Variants in DSE observed in about 807,000 individuals in gnomAD.
DSE encodes dermatan sulfate epimerase.
In DSE, 36 loss-of-function variants were observed where a neutral mutation model predicts 84.4. That is an observed-to-expected ratio of 0.43 (90% CI 0.33 to 0.56). The LOEUF is 0.56. Ranked by LOEUF, DSE falls within the 20% of genes least tolerant of loss-of-function variation. The probability of loss-of-function intolerance (pLI) is 0.06; values close to 1 mark genes in which losing one functional copy is unlikely to be tolerated. For synonymous variants in DSE, 410 were observed against 430.1 expected (o/e 0.95, Z 0.58); for missense variants, 862 against 1,169.6 (o/e 0.74, Z 3.84).
intron 1 of DSE, among the ~76,000 whole-genome samples, 174 bp from the exon 2 acceptor site, chr6:116,399,024 A>G (rs778901223): frequency 1.3e-5 from 2 of 152,222 alleles, no homozygotes; most frequent in Admixed American, 6.5e-5. Context: ...GTTTAACTCT[A>G]TAAAATCAGA....
chr6:116,343,354 G>C (rs911047044), intron 2 of DSE, among the ~76,000 whole-genome samples: 1 of 152,190 alleles, frequency 6.6e-6, no homozygotes, highest in African/African-American at 2.4e-5. Flanking sequence ...TCCTCAAGTG[G>C]GTCCCTGACC....
intron 2 of DSE, chr6:116,278,382 T>G: frequency 8.7e-6 from 10 of 1,143,722 alleles, no homozygotes; most frequent in African/African-American, 6.1e-5. Flanking sequence ...GAACTGAATA[T>G]CCAAAGGAAA....
intron 2 of DSE, among the ~76,000 whole-genome samples, chr6:116,280,764 G>C (rs1312001621): frequency 6.6e-6 from 1 of 152,158 alleles, no homozygotes; most frequent in Non-Finnish European, 1.5e-5. Flanking sequence ...GAGCTACAAG[G>C]CCTCAGAGAA....
chr6:116,331,540 T>A (rs1461584422), intron 2 of DSE, among the ~76,000 whole-genome samples: 1 of 152,188 alleles, frequency 6.6e-6, no homozygotes, highest in Non-Finnish European at 1.5e-5. Flanking sequence ...GGGATTACAA[T>A]TCGGATTACA....
chr6:116,342,872 G>A (rs1490060191), intron 2 of DSE, among the ~76,000 whole-genome samples: 2 of 152,070 alleles, frequency 1.3e-5, no homozygotes, highest in African/African-American at 4.8e-5. Flanking sequence ...AAGCGCAAGG[G>A]GTCAGGGAAT....
chr6:116,326,050 CAT>C (rs1228017660), intron 2 of DSE, among the ~76,000 whole-genome samples: 1 of 152,282 alleles, frequency 6.6e-6, no homozygotes, highest in East Asian at 1.9e-4. Flanking sequence ...CTATAGATAA[CAT>C]AACCGATTAG....
upstream of DSE, chr6:116,370,276 T>C (rs1002592453): frequency 2.7e-4 from 61 of 228,470 alleles, no homozygotes; most frequent in African/African-American, 1.3e-3. Context: ...GCTCCTGACC[T>C]TCTGTGATTA....
chr6:116,373,376 AC>A (rs1779727955), intron 1 of DSE, among the ~76,000 whole-genome samples: 2 of 152,156 alleles, frequency 1.3e-5, no homozygotes, highest in South Asian at 4.1e-4. Flanking sequence ...AGAAACTTTG[AC>A]CAAGAGATAC....
chr6:116,322,738 A>T (rs932282001), intron 2 of DSE, among the ~76,000 whole-genome samples: 5 of 152,206 alleles, frequency 3.3e-5, no homozygotes, highest in African/African-American at 9.7e-5. Flanking sequence ...TGAAGCTGAG[A>T]TTTCAATTTG....
chr6:116,279,885 A>T, intron 2 of DSE: 1 of 1,611,934 alleles, frequency 6.2e-7, no homozygotes, highest in African/African-American at 1.3e-5. Flanking sequence ...CAGAGGCCGA[A>T]CTGGGAGCTA....
intron 1 of DSE, among the ~76,000 whole-genome samples, chr6:116,257,758 T>G (rs543318285): frequency 8.5e-4 from 129 of 152,274 alleles, no homozygotes; most frequent in African/African-American, 2.9e-3. Context: ...ACTAATCTCA[T>G]TAGGGCTCTA....
intron 2 of DSE, among the ~76,000 whole-genome samples, chr6:116,404,786 T>A (rs532072883): frequency 1.4e-4 from 21 of 152,150 alleles, no homozygotes; most frequent in Non-Finnish European, 2.9e-4. Flanking sequence ...CACTCTGGAG[T>A]TGTGTTTTTG....
At chr6:116,275,978 C>T (rs1254531036) in intron 2 of DSE, among the ~76,000 whole-genome samples, 1 of 152,156 alleles carries the variant, frequency 6.6e-6, no homozygotes, top group Non-Finnish European at 1.5e-5. Context: ...GCTTATCAGT[C>T]CTTCCCCAGT....
chr6:116,320,492 A>ATG (rs1776238569), intron 2 of DSE, among the ~76,000 whole-genome samples: 1 of 151,996 alleles, frequency 6.6e-6, no homozygotes, highest in African/African-American at 2.4e-5. Flanking sequence ...AGGAGAGAAC[A>ATG]GTGCAGGTTG....
chr6:116,410,298 T>A (rs1343623549), intron 2 of DSE, among the ~76,000 whole-genome samples: 3 of 152,092 alleles, frequency 2.0e-5, no homozygotes, highest in Admixed American at 2.0e-4. Flanking sequence ...CCCAGTTCCC[T>A]CCCTTCCCAC....
intron 2 of DSE, among the ~76,000 whole-genome samples, chr6:116,421,461 ATATTT>A (rs1404644940): frequency 1.3e-5 from 1 of 76,440 alleles, no homozygotes; most frequent in African/African-American, 7.8e-5. Context: ...ATATATATAT[ATATTT>A]TTTTTTTTTT....
At chr6:116,342,281 G>GT (rs34996201) in intron 2 of DSE, among the ~76,000 whole-genome samples, 88,217 of 133,444 alleles carry the variant, frequency 0.66, 29,940 homozygotes, top group East Asian at 0.98. Flanking sequence ...TATTGTTGCT[G>GT]TTTTTTTTTT....
intron 2 of DSE, among the ~76,000 whole-genome samples, chr6:116,349,157 T>C (rs1230546602): frequency 3.3e-5 from 5 of 152,098 alleles, no homozygotes; most frequent in Non-Finnish European, 7.3e-5. Flanking sequence ...TATATATCAA[T>C]ATTTATATAC....
chr6:116,314,245 T>G (rs897905513), intron 2 of DSE, among the ~76,000 whole-genome samples: 3 of 152,202 alleles, frequency 2.0e-5, no homozygotes, highest in Non-Finnish European at 4.4e-5. Flanking sequence ...TAAAAATCAT[T>G]TCTAGTATGG....
Sources: allele counts gnomAD v4.1 joint callset (sites outside exome capture counted in the v4.1 genomes callset), GRCh38; gene constraint gnomAD v4.1.1; transcripts MANE v1.5; gene names NCBI Gene and HGNC (gene_info 2026-07-23, HGNC 2026-07-21).